The following KSR2 variants were observed in gnomAD, a reference collection of about 807,000 sequenced individuals.
KSR2 encodes kinase suppressor of ras 2.
A neutral mutation model predicts 107.8 loss-of-function variants in KSR2; 25 were observed. The ratio of observed to expected loss-of-function variants is 0.23; its 90% CI spans 0.17 to 0.32. The LOEUF (loss-of-function observed/expected upper bound fraction) is 0.32, where lower values mean the gene tolerates loss of function less well. Ranked by LOEUF, KSR2 falls within the 10% of genes least tolerant of loss-of-function variation. The pLI, the probability that KSR2 is intolerant of heterozygous loss-of-function variation, is 1.00. For synonymous variants in KSR2, 480 were observed against 507.0 expected (o/e 0.95, Z 0.71); for missense variants, 887 against 1,268.9 (o/e 0.70, Z 4.57).
chr12:117,857,167 T>A (rs1402159237), intron 2 of KSR2, among the ~76,000 whole-genome samples: 1 of 152,036 alleles, frequency 6.6e-6, no homozygotes, highest in Non-Finnish European at 1.5e-5. Context: ...CAAGCGACCC[T>A]CCCACCTCAG....
intron 5 of KSR2, among the ~76,000 whole-genome samples, chr12:117,657,133 T>C (rs1428084686): frequency 6.6e-6 from 1 of 151,788 alleles, no homozygotes; most frequent in East Asian, 1.9e-4. Context: ...CCCATTTCTC[T>C]GGCTCTGCTG....
chr12:117,824,572 T>C (rs1419027442), intron 3 of KSR2, among the ~76,000 whole-genome samples: 1 of 152,050 alleles, frequency 6.6e-6, no homozygotes, highest in Non-Finnish European at 1.5e-5. Flanking sequence ...TAAAAAAATT[T>C]TAGGCCGGGC....
chr12:117,870,850 G>A (rs1893626469), intron 1 of KSR2, among the ~76,000 whole-genome samples: 1 of 152,144 alleles, frequency 6.6e-6, no homozygotes. Flanking sequence ...TTGAGTTCTG[G>A]CCTTGCCCTT....
chr12:117,760,912 G>A, intron 4 of KSR2, 99 bp downstream of exon 4: 3 of 1,475,766 alleles, frequency 2.0e-6, no homozygotes, highest in Admixed American at 4.1e-5. Flanking sequence ...ACGCAAGTCT[G>A]TTCCCGGTTT....
chr12:117,835,518 T>C (rs903895132), intron 3 of KSR2, among the ~76,000 whole-genome samples: 1 of 152,136 alleles, frequency 6.6e-6, no homozygotes, highest in Non-Finnish European at 1.5e-5. Context: ...AATACAGAAG[T>C]TGTCGTCAGT....
intron 14 of KSR2, among the ~76,000 whole-genome samples, chr12:117,493,614 T>C (rs1018278335): frequency 4.6e-5 from 7 of 152,102 alleles, no homozygotes; most frequent in Admixed American, 3.9e-4. Flanking sequence ...CCTGCTGAGG[T>C]TGTAATTGAA....
chr12:117,933,648 C>T (rs1317692325), intron 1 of KSR2, among the ~76,000 whole-genome samples: 1 of 152,034 alleles, frequency 6.6e-6, no homozygotes, highest in Non-Finnish European at 1.5e-5. Context: ...AAAGAGCATC[C>T]TATATTTTAT....
At chr12:117,663,301 C>T (rs1884517513) in intron 5 of KSR2, among the ~76,000 whole-genome samples, 1 of 152,212 alleles carries the variant, frequency 6.6e-6, no homozygotes. Context: ...CTTGGGCCAA[C>T]TGCTTAAACT....
At chr12:117,935,280 A>T (rs1316300105) in intron 1 of KSR2, among the ~76,000 whole-genome samples, 1 of 152,046 alleles carries the variant, frequency 6.6e-6, no homozygotes, top group Non-Finnish European at 1.5e-5. Context: ...AATCATAGGC[A>T]TGCACCACCA....
intron 11 of KSR2, 82 bp downstream of exon 11, chr12:117,531,584 C>T (rs1875636313): frequency 2.5e-6 from 3 of 1,209,874 alleles, no homozygotes; most frequent in African/African-American, 3.1e-5. Flanking sequence ...CCCACAACAT[C>T]TGCCTCCATT....
chr12:117,921,460 G>T (rs900430703), intron 1 of KSR2, among the ~76,000 whole-genome samples: 2 of 151,904 alleles, frequency 1.3e-5, no homozygotes, highest in Non-Finnish European at 2.9e-5. Flanking sequence ...TTGCTACATT[G>T]TCCAGGCTGG....
chr12:117,642,094 T>C (rs532489153), intron 5 of KSR2, among the ~76,000 whole-genome samples: 6 of 152,284 alleles, frequency 3.9e-5, no homozygotes, highest in African/African-American at 1.4e-4. Context: ...CGTGGAAGCC[T>C]CCCCTGATCC....
chr12:117,955,069 C>G (rs1896473591), intron 1 of KSR2, among the ~76,000 whole-genome samples: 1 of 151,906 alleles, frequency 6.6e-6, no homozygotes, highest in African/African-American at 2.4e-5. Context: ...CTACTCAGCC[C>G]CTGAATGCAT....
chr12:117,959,386 C>T (rs766365218), intron 1 of KSR2, among the ~76,000 whole-genome samples: 29 of 152,146 alleles, frequency 1.9e-4, no homozygotes, highest in Non-Finnish European at 3.8e-4. Flanking sequence ...TCTTGATTCT[C>T]CTTCACATCC....
At chr12:117,914,415 T>G in intron 1 of KSR2, among the ~76,000 whole-genome samples, 1 of 129,636 alleles carries the variant, frequency 7.7e-6, no homozygotes, top group African/African-American at 3.0e-5. Flanking sequence ...GGCGACAGAG[T>G]GAGACTGTCT....
intron 10 of KSR2, among the ~76,000 whole-genome samples, chr12:117,535,793 C>A (rs544788292): frequency 6.4e-4 from 97 of 152,174 alleles, no homozygotes; most frequent in Non-Finnish European, 1.2e-3. Context: ...GATGCTACCA[C>A]AACTCTGCTC....
At chr12:117,876,810 G>A (rs1893869342) in intron 1 of KSR2, among the ~76,000 whole-genome samples, 1 of 150,622 alleles carries the variant, frequency 6.6e-6, no homozygotes, top group Admixed American at 6.6e-5. Context: ...TACACAGGTT[G>A]AGTATCCCTT....
chr12:117,521,038 G>A (rs1222537973), intron 14 of KSR2, among the ~76,000 whole-genome samples: 4 of 152,140 alleles, frequency 2.6e-5, no homozygotes, highest in African/African-American at 9.7e-5. Context: ...CACTGTTACT[G>A]TATTAAAAGC....
chr12:117,501,993 G>C (rs1196448599), intron 14 of KSR2, among the ~76,000 whole-genome samples: 2 of 152,202 alleles, frequency 1.3e-5, no homozygotes, highest in Non-Finnish European at 2.9e-5. Flanking sequence ...CTTTCTTACA[G>C]ACCACTGACT....
Sources: allele counts gnomAD v4.1 joint callset (sites outside exome capture counted in the v4.1 genomes callset), GRCh38; gene constraint gnomAD v4.1.1; transcripts MANE v1.5; gene names NCBI Gene and HGNC (gene_info 2026-07-23, HGNC 2026-07-21).